MGAT4C: variants seen among roughly 807,000 people sequenced by gnomAD.
MGAT4C encodes MGAT4 family member C.
Under a neutral mutation model 40.1 loss-of-function variants are expected in MGAT4C, and 19 were observed. The ratio of observed to expected loss-of-function variants is 0.47; its 90% CI spans 0.33 to 0.70. The LOEUF (loss-of-function observed/expected upper bound fraction) is 0.70. MGAT4C is among the 30% of genes least tolerant of loss of function. The pLI is 0.02. For synonymous variants in MGAT4C, 181 were observed against 187.1 expected, an observed-to-expected ratio of 0.97 and a Z score of 0.27; for missense variants, 491 against 563.2, an observed-to-expected ratio of 0.87 and a Z score of 1.30.
intron 3 of MGAT4C, among the ~76,000 whole-genome samples, chr12:86,355,597 GACA>G: frequency 6.6e-6 from 1 of 152,032 alleles, no homozygotes; most frequent in African/African-American, 2.4e-5. Context: ...TAAAAGACAG[GACA>G]ACATGTTGAA....
At chr12:86,174,408 G>A (rs1287420794) in intron 1 of MGAT4C, among the ~76,000 whole-genome samples, 1 of 152,020 alleles carries the variant, frequency 6.6e-6, no homozygotes, top group African/African-American at 2.4e-5. Flanking sequence ...ATTTTGTTGT[G>A]TTATGTGCAA....
At chr12:86,497,212 T>C (rs190840510) in intron 2 of MGAT4C, among the ~76,000 whole-genome samples, 21 of 152,080 alleles carry the variant, frequency 1.4e-4, no homozygotes, top group Admixed American at 1.2e-3. Flanking sequence ...TCTGCATGAT[T>C]TATGTCATTA....
intron 2 of MGAT4C, chr12:86,495,222 A>G (rs1375198033): frequency 6.6e-6 from 1 of 152,084 alleles, no homozygotes; most frequent in East Asian, 1.9e-4. Flanking sequence ...CAACATTTAA[A>G]CAGTATATAG....
intron 1 of MGAT4C, among the ~76,000 whole-genome samples, chr12:86,250,802 G>A (rs563896946): frequency 6.6e-6 from 1 of 152,010 alleles, no homozygotes; most frequent in Non-Finnish European, 1.5e-5. Context: ...TTTATATGCA[G>A]TAAATGATTA....
At chr12:86,393,988 A>G (rs776000124) in intron 3 of MGAT4C, among the ~76,000 whole-genome samples, 2 of 152,176 alleles carry the variant, frequency 1.3e-5, no homozygotes, top group African/African-American at 2.4e-5. Flanking sequence ...ATAGACTCCA[A>G]TGATTTTTTC....
chr12:86,502,693 T>TAA (rs1958373637), intron 2 of MGAT4C, among the ~76,000 whole-genome samples: 1 of 149,118 alleles, frequency 6.7e-6, no homozygotes, highest in South Asian at 2.1e-4. Context: ...TGCTCATATA[T>TAA]ATACACGAGA....
chr12:86,397,195 G>GT (rs1482649630), intron 3 of MGAT4C, among the ~76,000 whole-genome samples: 3 of 152,104 alleles, frequency 2.0e-5, no homozygotes, highest in East Asian at 1.9e-4. Flanking sequence ...CAGAAAATGA[G>GT]TTTTTTTCCT....
intron 1 of MGAT4C, among the ~76,000 whole-genome samples, chr12:86,758,375 CTTT>C (rs55666476): frequency 1.1e-4 from 14 of 122,538 alleles, no homozygotes; most frequent in African/African-American, 2.0e-4. Flanking sequence ...TGTCCGAATC[CTTT>C]TTTTTTTTTT....
At chr12:86,654,143 T>A (rs1963775433) in intron 2 of MGAT4C, among the ~76,000 whole-genome samples, 1 of 151,976 alleles carries the variant, frequency 6.6e-6, no homozygotes, top group African/African-American at 2.4e-5. Flanking sequence ...ACAAGCCTTA[T>A]GGCTTAGGAG....
intron 1 of MGAT4C, among the ~76,000 whole-genome samples, chr12:86,061,733 C>T (rs748430655): frequency 7.9e-5 from 12 of 152,092 alleles, no homozygotes; most frequent in Non-Finnish European, 2.9e-5. Context: ...CAGTTTTACC[C>T]TCACAGTGTA....
At chr12:86,740,140 A>G (rs571108506) in intron 1 of MGAT4C, among the ~76,000 whole-genome samples, 14 of 151,050 alleles carry the variant, frequency 9.3e-5, no homozygotes, top group Admixed American at 6.6e-4. Flanking sequence ...TCCTTTTCCA[A>G]ATTCTTTGCA....
intron 2 of MGAT4C, among the ~76,000 whole-genome samples, chr12:86,467,768 T>C (rs771281471): frequency 6.6e-6 from 1 of 152,146 alleles, no homozygotes; most frequent in African/African-American, 2.4e-5. Flanking sequence ...TTATCTTTTT[T>C]ACTCTCTTTA....
At chr12:86,684,070 G>A (rs1359378242) in intron 2 of MGAT4C, among the ~76,000 whole-genome samples, 2 of 151,956 alleles carry the variant, frequency 1.3e-5, no homozygotes, top group African/African-American at 4.8e-5. Context: ...CCCTTTTCAG[G>A]AAATTACTCA....
intron 2 of MGAT4C, among the ~76,000 whole-genome samples, chr12:86,534,071 G>A (rs1959030747): frequency 6.6e-6 from 1 of 151,990 alleles, no homozygotes; most frequent in South Asian, 2.1e-4. Flanking sequence ...GCTGTCACTT[G>A]TGGGTAAAAT....
chr12:86,096,207 C>T (rs1022681039), intron 1 of MGAT4C, among the ~76,000 whole-genome samples: 1 of 151,746 alleles, frequency 6.6e-6, no homozygotes, highest in African/African-American at 2.4e-5. Context: ...TAAAAATTCT[C>T]TTAAGTTCAG....
chr12:86,424,748 T>C (rs1475812081), intron 3 of MGAT4C, among the ~76,000 whole-genome samples: 4 of 152,192 alleles, frequency 2.6e-5, no homozygotes, highest in Admixed American at 6.5e-5. Flanking sequence ...AAGGAGGTAC[T>C]ACTAAAAATA....
intron 1 of MGAT4C, among the ~76,000 whole-genome samples, chr12:86,127,685 T>A (rs1880507760): frequency 6.6e-6 from 1 of 152,174 alleles, no homozygotes; most frequent in South Asian, 2.1e-4. Flanking sequence ...TTTATATTTT[T>A]AATTTTTTAA....
intron 2 of MGAT4C, among the ~76,000 whole-genome samples, chr12:86,466,080 G>T (rs1351694121): frequency 2.0e-5 from 3 of 151,932 alleles, no homozygotes; most frequent in African/African-American, 7.2e-5. Context: ...GTGGTGGCAG[G>T]CGTCTGTAAC....
chr12:86,260,478 T>C (rs1413975809), upstream of MGAT4C, among the ~76,000 whole-genome samples: 29 of 152,182 alleles, frequency 1.9e-4, no homozygotes, highest in Admixed American at 1.8e-3. Context: ...TTTAAATTTA[T>C]CAAAGTTAAC....
Sources: allele counts gnomAD v4.1 joint callset (sites outside exome capture counted in the v4.1 genomes callset), GRCh38; gene constraint gnomAD v4.1.1; transcripts MANE v1.5; gene names NCBI Gene and HGNC (gene_info 2026-07-23, HGNC 2026-07-21).